The following AQR variants were observed in gnomAD, a reference collection of about 807,000 sequenced individuals.
AQR encodes RNA helicase aquarius.
Under a neutral mutation model 180.5 loss-of-function variants are expected in AQR, and 61 were observed. The observed-to-expected ratio is 0.34, with a 90% confidence interval of 0.28 to 0.42. The LOEUF (loss-of-function observed/expected upper bound fraction) is 0.42. Ranked by LOEUF, AQR falls within the 10% of genes least tolerant of loss-of-function variation. The probability of loss-of-function intolerance (pLI) is 1.00; values close to 1 mark genes in which losing one functional copy is unlikely to be tolerated. For synonymous variants in AQR, 551 were observed against 588.8 expected (o/e 0.94, Z 0.93); for missense variants, 1,281 against 1,798.3 (o/e 0.71, Z 5.20).
Position 34,870,889 on chromosome 15 carries a change from A to G in AQR, c.3631T>C (p.Phe1211Leu). ...LGEAEYVVAL[F>L]MYMCLLGYPA... is the part of the protein sequence containing the mutation. Reference sequence around the variant, plus strand: ...TAACCAAGTAAACACATGTACATAAAAAGTGCTACTACATATTCTGCCTCT... The same window carrying G: ...TAACCAAGTAAACACATGTACATAAGAAGTGCTACTACATATTCTGCCTCT... The change falls in exon 31 of 35, where the codon TTT becomes CTT. Residue 1211 changes from phenylalanine (F) to leucine (L), a missense_variant. By Grantham distance (22) the Phe-to-Leu change is conservative. This residue lies in a region of AQR where 197 missense variants were observed against 320.7 expected (regional missense o/e 0.61). Coordinates refer to ENST00000156471, the MANE Select transcript of AQR (RefSeq NM_014691.3). The G allele has an allele frequency of 6.2e-7, 1 of 1,613,190 alleles. No homozygotes were observed. Among genetic ancestry groups the G allele is most frequent in the Non-Finnish European group, 8.5e-7 (1 of 1,179,468 alleles).
At chr15:34,950,597 A>G (rs368047648) in intron 4 of AQR, among the ~76,000 whole-genome samples, 6 of 27,298 alleles carry the variant, frequency 2.2e-4, no homozygotes, top group African/African-American at 3.6e-4. Flanking sequence ...CTCACATATT[A>G]TATTTCTTCT....
chr15:34,969,649 A>G lies in AQR; in HGVS notation c.-36T>C, dbSNP rs2050333406. 1 of 1,606,734 alleles carries G rather than the reference A, an allele frequency of 6.2e-7. No individual in the cohort carries two copies. Among genetic ancestry groups the G allele is most frequent in the South Asian group, 1.1e-5 (1 of 90,704 alleles). ...TTCCCTCCACTCCAGTGGAAACTAA[A>G]GGACCGCTCTGGGCAGCGGCAACCC... On this transcript the variant is annotated 5_prime_UTR_variant, in exon 1 of 35. Transcript: ENST00000156471.
At position 34,888,394 on chromosome 15, in the gene AQR, A is replaced by G. The variant is rs1893094018; in HGVS notation, c.2682-1733T>C. Among the ~76,000 whole-genome samples, 6 of 151,788 alleles carry G rather than the reference A, an allele frequency of 4.0e-5. No individual in the cohort carries two copies. The South Asian group carries it at 1.3e-3, about 32-fold the overall frequency. ...CATTATTACACTTAAAAGATAAAGA[A>G]TTATTTTTAAAAAGCAACATAAGGC... On this transcript the variant is annotated intron_variant, in intron 24 of 34. Transcript: ENST00000156471.
intron 21 of AQR, among the ~76,000 whole-genome samples, chr15:34,897,202 A>G (rs1566984654): frequency 6.6e-6 from 1 of 152,206 alleles, no homozygotes. Context: ...CCAAAGTTCT[A>G]GTTTCCATTC....
At chr15:34,949,337 AC>A (rs1894180276) in intron 4 of AQR, among the ~76,000 whole-genome samples, 1 of 151,630 alleles carries the variant, frequency 6.6e-6, no homozygotes, top group Admixed American at 6.6e-5. Context: ...TTGGCCAGGC[AC>A]AGTGGCTCAC....
chr15:34,870,662 G>T, intron 31 of AQR, 90 bp downstream of exon 31: 1 of 1,089,026 alleles, frequency 9.2e-7, no homozygotes, highest in Non-Finnish European at 1.2e-6. Context: ...ATCTTAAAAA[G>T]AGATAGCAAA....
chr15:34,932,491 T>C, intron 10 of AQR, 57 bp from the exon 11 acceptor site: 1 of 1,206,598 alleles, frequency 8.3e-7, no homozygotes, highest in Non-Finnish European at 1.2e-6. Context: ...CAGCTAGAAG[T>C]GAAATCTAGT....
At chr15:34,935,412 T>C (rs963425) in intron 9 of AQR, among the ~76,000 whole-genome samples, 93,885 of 151,974 alleles carry the variant, frequency 0.62, 31,036 homozygotes, top group South Asian at 0.75. Flanking sequence ...TTAGGTTTCC[T>C]GTTGCTACTT....
At chr15:34,914,823 C>T (rs1893557048) in intron 16 of AQR, among the ~76,000 whole-genome samples, 2 of 152,188 alleles carry the variant, frequency 1.3e-5, no homozygotes, top group African/African-American at 4.8e-5. Flanking sequence ...GTCTCCCACT[C>T]CCATTCCCAA....
intron 24 of AQR, among the ~76,000 whole-genome samples, chr15:34,889,053 T>A (rs1893101937): frequency 6.6e-6 from 1 of 152,208 alleles, no homozygotes; most frequent in African/African-American, 2.4e-5. Flanking sequence ...AACCATAAAT[T>A]CGACTTCAAT....
chr15:34,914,284 C>T (rs542604497), intron 16 of AQR, among the ~76,000 whole-genome samples: 4 of 152,180 alleles, frequency 2.6e-5, no homozygotes, highest in South Asian at 2.1e-4. Flanking sequence ...GCATTTGCCT[C>T]AAGTCAGCCA....
In AQR at chr15:34,893,794, T is replaced by C. The variant is rs371610183; in HGVS notation, c.2461-21A>G. 7.5e-5 allele frequency: 120 copies of C among 1,590,298 alleles called. 1 individual carries two copies. Among genetic ancestry groups the C allele is most frequent in the Non-Finnish European group, 9.2e-5 (107 of 1,158,548 alleles). ...ACAACCTAAAAAGAAGATGAACACATAGCAAACTACTAAGTCATCACAGTT... is the reference window on the plus strand; with the variant it reads ...ACAACCTAAAAAGAAGATGAACACACAGCAAACTACTAAGTCATCACAGTT... On this transcript the variant is annotated intron_variant, in intron 22 of 34. Coordinates refer to ENST00000156471, the MANE Select transcript of AQR (RefSeq NM_014691.3).
rs1006047053 is a variant in AQR, at chr15:34,910,198, G to A, written c.1600C>T (p.Arg534Ter). The A allele has an allele frequency of 6.2e-7, 1 of 1,614,148 alleles. No homozygotes were observed. The highest frequency in any genetic ancestry group is 8.5e-7 in the Non-Finnish European group (1 of 1,180,024). Residue 534 changes from arginine (R) to a stop codon, truncating the protein, a stop_gained, in exon 17 of 35, where the codon CGA becomes TGA. Coordinates refer to ENST00000156471, the MANE Select transcript of AQR (RefSeq NM_014691.3). LOFTEE classifies it high-confidence loss of function. Reference protein sequence around the residue: ...KPNIGENWPTRVRADVTINLN... With the variant: ...KPNIGENWPT ...TTTATGGTAACATCTGCACGAACTC[G>A]GGTTGGCCAGTTTTCACCTATGTTG... is the stretch of plus-strand genomic sequence containing the variant.
rs182303895 is a variant in AQR at position 34,861,022 on chromosome 15, C to T, written c.4030-867G>A. ...TAAACCACCCTAAAATAGAGATTAA[C>T]AACTTTCCTATTTATAGTTATTAAT... On this transcript the variant is annotated intron_variant, in intron 33 of 34. Coordinates refer to ENST00000156471, the MANE Select transcript of AQR (RefSeq NM_014691.3). Among the ~76,000 whole-genome samples the T allele has an allele frequency of 2.5e-3, 386 of 152,258 alleles. 1 individual carries two copies. Among genetic ancestry groups the T allele is most frequent in the African/African-American group, 8.9e-3 (368 of 41,564 alleles).
At chr15:34,876,087 CCA>C in intron 27 of AQR, 81 bp from the exon 28 acceptor site, 1 of 1,020,922 alleles carries the variant, frequency 9.8e-7, no homozygotes, top group Non-Finnish European at 1.5e-6. Flanking sequence ...CAAAAAAACC[CCA>C]AATAATTTCT....
intron 34 of AQR, among the ~76,000 whole-genome samples, chr15:34,858,320 C>CAAAAAAAAAAAAAAAAAAAAAAAAAAAA: frequency 1.2e-5 from 1 of 86,090 alleles, no homozygotes; most frequent in Non-Finnish European, 2.3e-5. Context: ...ACGACAGCAG[C>CAAAAAAAAAAAAAAAAAAAAAAAAAAAA]AAAAAAAAAA....
At chr15:34,890,424 T>C (rs905662231) in intron 23 of AQR, 100 bp from the exon 24 acceptor site, 2 of 894,822 alleles carry the variant, frequency 2.2e-6, no homozygotes, top group Non-Finnish European at 3.5e-6. Context: ...ATCAGCCTTA[T>C]ATTAGGCCAT....
chr15:34,861,037 T>C (rs192581437), intron 33 of AQR, among the ~76,000 whole-genome samples: 26 of 152,358 alleles, frequency 1.7e-4, no homozygotes, highest in African/African-American at 5.8e-4. Context: ...TTCCTATTTA[T>C]AGTTATTAAT....
chr15:34,872,122 C>T (rs1892828412), intron 30 of AQR, among the ~76,000 whole-genome samples: 1 of 152,070 alleles, frequency 6.6e-6, no homozygotes, highest in Non-Finnish European at 1.5e-5. Flanking sequence ...TGGTACTTTG[C>T]CCAAAGGTTA....
Sources: allele counts gnomAD v4.1 joint callset (sites outside exome capture counted in the v4.1 genomes callset), GRCh38; gene constraint gnomAD v4.1.1; regional missense constraint gnomAD v4.1.1; transcripts MANE v1.5; gene names NCBI Gene and HGNC (gene_info 2026-07-23, HGNC 2026-07-21).